ZMYND11: variants seen among roughly 807,000 people sequenced by gnomAD.
ZMYND11 encodes the protein zinc finger MYND domain-containing protein 11.
A neutral mutation model predicts 84.9 loss-of-function variants in ZMYND11; 9 were observed. The observed-to-expected ratio is 0.11, with a 90% CI of 0.06 to 0.18. The LOEUF (loss-of-function observed/expected upper bound fraction) is 0.18, where lower values mean the gene tolerates loss of function less well. Ranked by LOEUF, ZMYND11 falls within the 10% of genes least tolerant of loss-of-function variation. The pLI is 1.00. For missense variants in ZMYND11, 409 were observed against 761.0 expected, an observed-to-expected ratio of 0.54 and a Z score of 5.44; for synonymous variants, 250 against 244.1, an observed-to-expected ratio of 1.02 and a Z score of -0.23.
Position 253,614 on chromosome 10 carries a change from A to T in ZMYND11, c.*1144A>T, listed in dbSNP as rs1314461031. 6.5e-6 allele frequency: 1 copy of T among 152,698 alleles called. No homozygotes were observed. Among genetic ancestry groups the T allele is most frequent in the South Asian group, 2.1e-4 (1 of 4,834 alleles). The allele number at this position is 152,698 out of a possible 1,614,324, so 9.5% of individuals were successfully genotyped here. A position where few individuals can be genotyped will look rare whatever the true frequency, so the allele number is the denominator to read the frequency against. On this transcript the variant is annotated 3_prime_UTR_variant, in exon 15 of 15. Coordinates refer to ENST00000381604, the MANE Select transcript of ZMYND11 (RefSeq NM_001370100.5). ...CGATAGTTGAATAATGATTTTTTATACATAGATATATAAAATACAGCCAGG... is the reference window on the plus strand; with the variant it reads ...CGATAGTTGAATAATGATTTTTTATTCATAGATATATAAAATACAGCCAGG...
Position 250,052 on chromosome 10 carries a change from C to G in ZMYND11, c.1686+964C>G, listed in dbSNP as rs113054905. ...ACATTGGGTGTTATAGCCTTCAGTA[C>G]AAGTGAAAGCGTGCTTTCCGAATAA... On this transcript the variant is annotated intron_variant, in intron 14 of 14. Coordinates refer to ENST00000381604, the MANE Select transcript of ZMYND11 (RefSeq NM_001370100.5). Among the ~76,000 whole-genome samples the G allele has an allele frequency of 7.7e-3, 1,178 of 152,292 alleles. 15 individuals are homozygous for G. Among genetic ancestry groups the G allele is most frequent in the African/African-American group, 0.027 (1,118 of 41,542 alleles).
intron 1 of ZMYND11, among the ~76,000 whole-genome samples, chr10:159,405 A>C (rs1842501898): frequency 6.6e-6 from 1 of 152,192 alleles, no homozygotes; most frequent in African/African-American, 2.4e-5. Context: ...AGCAGAGTAC[A>C]TTGCCAGGCT....
chr10:209,767 C>T, intron 2 of ZMYND11, 122 bp from the exon 3 acceptor site: 1 of 907,030 alleles, frequency 1.1e-6, no homozygotes, highest in South Asian at 2.2e-5. Context: ...TGTTCTTTAT[C>T]TCAACAGGAC....
At chr10:249,626 C>G (rs2131991621) in intron 14 of ZMYND11, 3 of 985,410 alleles carry the variant, frequency 3.0e-6, no homozygotes, top group Non-Finnish European at 3.6e-6. Context: ...TCCTGCTCGC[C>G]AGTCTCATCC....
intron 3 of ZMYND11, among the ~76,000 whole-genome samples, chr10:220,298 C>T (rs1249057763): frequency 6.6e-6 from 1 of 152,042 alleles, no homozygotes; most frequent in African/African-American, 2.4e-5. Flanking sequence ...GTTACTACAT[C>T]TACAAATAAA....
intron 1 of ZMYND11, among the ~76,000 whole-genome samples, chr10:172,444 T>A (rs538058451): frequency 6.6e-6 from 1 of 152,154 alleles, no homozygotes; most frequent in Non-Finnish European, 1.5e-5. Context: ...TCTATCACTT[T>A]CCTATTTATC....
intron 4 of ZMYND11, among the ~76,000 whole-genome samples, chr10:232,633 C>T (rs975260888): frequency 3.3e-5 from 5 of 152,048 alleles, no homozygotes; most frequent in African/African-American, 7.2e-5. Flanking sequence ...TCATGGTGTC[C>T]GGAATAGATC....
intron 4 of ZMYND11, among the ~76,000 whole-genome samples, chr10:231,217 T>C (rs1352745268): frequency 6.6e-6 from 1 of 152,224 alleles, no homozygotes; most frequent in African/African-American, 2.4e-5. Flanking sequence ...TCTGGCCCTT[T>C]ACACAAAATG....
chr10:196,039 G>A (rs181516508), intron 2 of ZMYND11, among the ~76,000 whole-genome samples: 143 of 152,258 alleles, frequency 9.4e-4, no homozygotes, highest in African/African-American at 3.2e-3. Flanking sequence ...CCCTGATGAC[G>A]TATATCTCAA....
Position 246,846 on chromosome 10 carries a change from A to G in ZMYND11, c.1031A>G (p.Lys344Arg), listed in dbSNP as rs753861371. 6.2e-7 allele frequency: 1 copy of G among 1,614,174 alleles called. No individual in the cohort carries two copies. The highest frequency in any genetic ancestry group is 2.2e-5 in the East Asian group (1 of 44,878). Reference sequence around the variant, plus strand: ...CACGTGAAGCGCAGTATGGGTTGGAAAAAGGCCTGTGATGAGCTGGAGCTG... The same window carrying G: ...CACGTGAAGCGCAGTATGGGTTGGAGAAAGGCCTGTGATGAGCTGGAGCTG... ...RLHVKRSMGW[K>R]KACDELELHQ... The change falls in exon 11 of 15, where the codon AAA (lysine) becomes AGA (arginine). Residue 344 changes from lysine to arginine, a missense_variant. Physicochemically the swap from Lys to Arg is conservative, Grantham distance 26. Around this residue, in one of 7 missense-constraint regions of ZMYND11, gnomAD observed 48 missense variants for 61.1 expected, o/e 0.79. Transcript: ENST00000381604.
intron 1 of ZMYND11, among the ~76,000 whole-genome samples, chr10:155,179 C>T (rs967155686): frequency 4.1e-4 from 62 of 152,040 alleles, no homozygotes; most frequent in African/African-American, 1.3e-3. Context: ...TTTTTTGGTA[C>T]GTAGCTTTAA....
chr10:138,233 C>G (rs1457112324), intron 1 of ZMYND11, among the ~76,000 whole-genome samples: 2 of 149,908 alleles, frequency 1.3e-5, no homozygotes, highest in Non-Finnish European at 1.5e-5. Flanking sequence ...CCTCAGCCTC[C>G]CGGGTAGCTC....
intron 2 of ZMYND11, among the ~76,000 whole-genome samples, chr10:201,649 C>T (rs755535873): frequency 5.5e-5 from 8 of 146,576 alleles, no homozygotes; most frequent in Admixed American, 2.1e-4. Flanking sequence ...AGAATGATCT[C>T]GGGGAGGGGA....
At chr10:160,949 CT>C (rs57227207) in intron 1 of ZMYND11, among the ~76,000 whole-genome samples, 166 of 102,192 alleles carry the variant, frequency 1.6e-3, no homozygotes, top group African/African-American at 5.9e-3. Flanking sequence ...AAATTACTTA[CT>C]TTTTTTTTTT....
At chr10:249,708 T>C in intron 14 of ZMYND11, 1 of 985,378 alleles carries the variant, frequency 1.0e-6, no homozygotes, top group Non-Finnish European at 1.2e-6. Context: ...CAGTGCTCAG[T>C]GAATTAGGGA....
chr10:140,740 A>G (rs554123271), intron 1 of ZMYND11, among the ~76,000 whole-genome samples: 2 of 152,298 alleles, frequency 1.3e-5, no homozygotes, highest in East Asian at 1.9e-4. Flanking sequence ...AATGTGTTCA[A>G]TCAGATAGAA....
At chr10:213,574 G>A (rs1945648930) in intron 3 of ZMYND11, among the ~76,000 whole-genome samples, 1 of 152,006 alleles carries the variant, frequency 6.6e-6, no homozygotes. Flanking sequence ...AGGCAGTTCT[G>A]TTATTTTTTA....
Position 253,143 on chromosome 10 carries a change from T to C in ZMYND11, c.*673T>C, listed in dbSNP as rs1054582108. 6.6e-6 allele frequency: 1 copy of C among 152,658 alleles called. No individual in the cohort carries two copies. The highest frequency in any genetic ancestry group is 2.4e-5 in the African/African-American group (1 of 41,466). 9.5% of individuals were successfully genotyped at this position (152,658 alleles called of 1,614,324 possible). On this transcript the variant is annotated 3_prime_UTR_variant, in exon 15 of 15. Coordinates refer to ENST00000381604, the MANE Select transcript of ZMYND11 (RefSeq NM_001370100.5). ...TTAAAATTGCAGGGAACTGGGGTAA[T>C]CTTTTACTGAGCTGGATCTTAGAGA...
chr10:165,721 C>T (rs887302970), intron 1 of ZMYND11, among the ~76,000 whole-genome samples: 1 of 152,230 alleles, frequency 6.6e-6, no homozygotes, highest in Admixed American at 6.5e-5. Flanking sequence ...ATTCTACACC[C>T]TGTAGCCAGA....
Sources: allele counts gnomAD v4.1 joint callset (sites outside exome capture counted in the v4.1 genomes callset), GRCh38; gene constraint gnomAD v4.1.1; regional missense constraint gnomAD v4.1.1; transcripts MANE v1.5; gene names NCBI Gene and HGNC (gene_info 2026-07-23, HGNC 2026-07-21).